Variants in PADI4 observed in about 807,000 individuals in gnomAD.
PADI4 encodes peptidyl arginine deiminase 4, also known as protein-arginine deiminase type-4.
Under a neutral mutation model 75.0 loss-of-function variants are expected in PADI4, and 62 were observed. The ratio of observed to expected loss-of-function variants is 0.83; its 90% confidence interval spans 0.67 to 1.02. The LOEUF is 1.02. Ranked by LOEUF, PADI4 falls within the 50% of genes least tolerant of loss-of-function variation. The probability of loss-of-function intolerance (pLI) is 0.00; values close to 1 mark genes in which losing one functional copy is unlikely to be tolerated. For synonymous variants in PADI4, 361 were observed against 348.1 expected (o/e 1.04, Z -0.41); for missense variants, 845 against 850.5 (o/e 0.99, Z 0.08).
chr1:17,363,331 C>T (rs956985098), intron 15 of PADI4, among the ~76,000 whole-genome samples, 191 bp from the exon 16 acceptor site: 90 of 152,104 alleles, frequency 5.9e-4, no homozygotes, highest in African/African-American at 2.0e-3. Flanking sequence ...CCATGTTGCC[C>T]AGGCTGGTCT....
rs745660442 is a variant in PADI4, at chr1:17,342,396, C to T, written c.929C>T (p.Ala310Val). 1.4e-5 allele frequency: 23 copies of T among 1,607,776 alleles called. No individual in the cohort carries two copies. Among genetic ancestry groups the T allele is most frequent in the Middle Eastern group, 1.6e-4 (1 of 6,066 alleles). ...PNTQPPQEVY[A>V]CSIFENEDFL... ...ACCCAGCCCCCGCAGGAGGTGTACGCGTGCAGGTGAGAGGTCCTGGGGTGC... is the reference window on the plus strand; with the variant it reads ...ACCCAGCCCCCGCAGGAGGTGTACGTGTGCAGGTGAGAGGTCCTGGGGTGC... The change falls in exon 8 of 16, where the codon GCG (alanine) becomes GTG (valine). Residue 310 changes from alanine to valine, a missense_variant. Physicochemically the swap from Ala to Val is moderately conservative, Grantham distance 64. Transcript: ENST00000375448.
Position 17,363,537 on chromosome 1 carries a change from C to T in PADI4, c.1774C>T (p.Leu592=), listed in dbSNP as rs1188394970. The part of the protein sequence containing the change: ...FFPNMVNMLV[L]GKHLGIPKPF... ...TTCCCTGCAGGTGAACATGCTGGTG[C>T]TAGGGAAGCACCTGGGCATCCCCAA... Residue 592 remains leucine, a synonymous_variant, in exon 16 of 16, where the codon CTA becomes TTA. Transcript: ENST00000375448. The T allele has an allele frequency of 5.0e-6, 8 of 1,612,356 alleles. No individual in the cohort carries two copies. Among genetic ancestry groups the T allele is most frequent in the Non-Finnish European group, 6.8e-6 (8 of 1,178,802 alleles).
intron 1 of PADI4, among the ~76,000 whole-genome samples, chr1:17,310,746 T>C (rs1351038719): frequency 6.6e-6 from 1 of 151,886 alleles, no homozygotes; most frequent in Non-Finnish European, 1.5e-5. Context: ...AAATCACTTG[T>C]GGTCAGAATT....
intron 15 of PADI4, 31 bp downstream of exon 15, chr1:17,359,439 G>T (rs2074818318): frequency 5.6e-6 from 9 of 1,613,378 alleles, no homozygotes; most frequent in South Asian, 2.2e-5. Flanking sequence ...AAACCCCAGG[G>T]TGTGGCATGG....
At chr1:17,327,401 C>T (rs918806551) in intron 1 of PADI4, among the ~76,000 whole-genome samples, 3 of 151,902 alleles carry the variant, frequency 2.0e-5, no homozygotes, top group African/African-American at 4.8e-5. Context: ...ATCTTTTATC[C>T]TTTTTAAAAA....
rs1301130261 is a variant in PADI4 at position 17,308,312 on chromosome 1, C to G, written c.90C>G (p.Cys30Trp). 6.2e-7 allele frequency: 1 copy of G among 1,612,936 alleles called. No individual in the cohort carries two copies. The highest frequency in any genetic ancestry group is 1.1e-5 in the South Asian group (1 of 91,056). The stretch of plus-strand genomic sequence containing the variant: ...GCACCTTGACTCAGCTTGACATCTG[C>G]AGGTAAGAGGGGGGCCTTCTGGGGT... ...VLGTLTQLDI[C>W]SSAPEDCTSF... The change falls in exon 1 of 16, where the codon TGC (cysteine) becomes TGG (tryptophan). Residue 30 changes from cysteine (C) to tryptophan (W), a missense_variant and splice_region_variant. By Grantham distance (215) the Cys-to-Trp change is radical. Coordinates refer to ENST00000375448, the MANE Select transcript of PADI4 (RefSeq NM_012387.3).
chr1:17,331,209 A>C, intron 2 of PADI4, 60 bp downstream of exon 2: 1 of 1,420,252 alleles, frequency 7.0e-7, no homozygotes, highest in Non-Finnish European at 9.8e-7. Context: ...AGCCACACAC[A>C]CTCTGTCCTG....
At chr1:17,361,711 G>A (rs1227519144) in intron 15 of PADI4, among the ~76,000 whole-genome samples, 1 of 152,206 alleles carries the variant, frequency 6.6e-6, no homozygotes, top group Non-Finnish European at 1.5e-5. Flanking sequence ...CTATTGAATA[G>A]CAGAGTTAGG....
At chr1:17,359,200 G>T in intron 14 of PADI4, 80 bp from the exon 15 acceptor site, 1 of 1,025,474 alleles carries the variant, frequency 9.8e-7, no homozygotes, top group Non-Finnish European at 1.5e-6. Flanking sequence ...CCGGCAGGGG[G>T]CCTCAGCCCC....
Position 17,357,360 on chromosome 1 carries a change from G to C in PADI4, c.1558+901G>C, listed in dbSNP as rs545990768. 3.3e-5 allele frequency among the ~76,000 whole-genome samples: 5 copies of C among 152,096 alleles called. No homozygotes were observed. In the South Asian group the frequency reaches 1.0e-3, roughly 32 times the overall value. ...TGTTTTGTATTTTTAGTAGAGATGG[G>C]GTTTTGCCATGCTGGCCAGGCTGGT... On this transcript the variant is annotated intron_variant, in intron 13 of 15. Coordinates refer to ENST00000375448, the MANE Select transcript of PADI4 (RefSeq NM_012387.3).
At chr1:17,338,728 A>G (rs562047530) in intron 5 of PADI4, among the ~76,000 whole-genome samples, 1 of 152,334 alleles carries the variant, frequency 6.6e-6, no homozygotes, top group East Asian at 1.9e-4. Flanking sequence ...ATGGTGGGGA[A>G]TGCAGGATCT....
chr1:17,317,339 G>A (rs1440695011), intron 1 of PADI4, among the ~76,000 whole-genome samples: 1 of 152,108 alleles, frequency 6.6e-6, no homozygotes, highest in African/African-American at 2.4e-5. Flanking sequence ...TGAGATCTTG[G>A]CTCACTGCAA....
rs765706547 is a variant in PADI4 at position 17,347,923 on chromosome 1, C to T, written c.1048-18C>T. On this transcript the variant is annotated intron_variant, in intron 9 of 15. Transcript: ENST00000375448. ...CAGGCAGCACGCGCAACAGCCTCCT[C>T]TCCACTCACTCCCACAGGATGAAAT... The T allele has an allele frequency of 1.5e-5, 23 of 1,494,430 alleles. 1 individual carries two copies. In the South Asian group the frequency reaches 2.2e-4, roughly 14 times the overall value. 92.6% of individuals were successfully genotyped at this position (1,494,430 alleles called of 1,614,324 possible).
chr1:17,316,417 C>T lies in PADI4; in HGVS notation c.92+8103C>T, dbSNP rs193178302. Among the ~76,000 whole-genome samples the T allele has an allele frequency of 1.2e-4, 17 of 147,220 alleles. 1 individual carries two copies. Among genetic ancestry groups the T allele is most frequent in the African/African-American group, 1.8e-4 (7 of 38,870 alleles). ...TCAAAAATAAATAAATAGCCAGGCG[C>T]GGTGGCTCACGCCTGTAATCCCAGC... On this transcript the variant is annotated intron_variant, in intron 1 of 15. Coordinates refer to ENST00000375448, the MANE Select transcript of PADI4 (RefSeq NM_012387.3).
At position 17,339,719 on chromosome 1, in the gene PADI4, C is replaced by T. The variant is rs1464717202; in HGVS notation, c.558C>T (p.Ser186=). The part of the protein sequence containing the change: ...DLQDMSLMTL[S]TKTPKDFFTN... ...AGGACATGTCGCTGATGACCCTGAG[C>T]ACGAAGACCCCCAAGGACTTCTTCA... The change falls in exon 6 of 16, where the codon AGC becomes AGT. Residue 186 remains serine (S), a synonymous_variant. Coordinates refer to ENST00000375448, the MANE Select transcript of PADI4 (RefSeq NM_012387.3). 4 of 1,613,874 alleles carry T rather than the reference C, an allele frequency of 2.5e-6. No individual in the cohort carries two copies. The highest frequency in any genetic ancestry group is 2.5e-6 in the Non-Finnish European group (3 of 1,179,972).
At chr1:17,312,258 G>A (rs758678495) in intron 1 of PADI4, among the ~76,000 whole-genome samples, 2 of 151,974 alleles carry the variant, frequency 1.3e-5, no homozygotes, top group Non-Finnish European at 2.9e-5. Context: ...TCAGGAGTTC[G>A]AAACCAGCCT....
chr1:17,308,783 G>A (rs1243269738), intron 1 of PADI4, among the ~76,000 whole-genome samples: 8 of 2,702 alleles, frequency 3.0e-3, no homozygotes, highest in African/African-American at 3.1e-3. Context: ...GCTCTGTGGC[G>A]GCAGAGACTG....
chr1:17,323,867 AC>A (rs1557546094), intron 1 of PADI4, among the ~76,000 whole-genome samples: 2 of 151,628 alleles, frequency 1.3e-5, no homozygotes, highest in African/African-American at 4.8e-5. Context: ...AACAAAAAAA[AC>A]ACAAACAAAC....
intron 1 of PADI4, among the ~76,000 whole-genome samples, chr1:17,311,590 T>A (rs1348842370): frequency 6.6e-6 from 1 of 151,584 alleles, no homozygotes. Context: ...AGTGGCAAGA[T>A]CTTGGCTCAC....
Sources: allele counts gnomAD v4.1 joint callset (sites outside exome capture counted in the v4.1 genomes callset), GRCh38; gene constraint gnomAD v4.1.1; transcripts MANE v1.5; gene names NCBI Gene and HGNC (gene_info 2026-07-23, HGNC 2026-07-21).